CDH1: variants seen among roughly 807,000 people sequenced by gnomAD.
The protein encoded by CDH1 is cadherin 1.
CDH1 carries 35 observed loss-of-function variants against 84.5 expected under a neutral mutation model. The ratio of observed to expected loss-of-function variants is 0.41; its 90% CI spans 0.32 to 0.55. The LOEUF (loss-of-function observed/expected upper bound fraction) is 0.55. CDH1 is among the 20% of genes least tolerant of loss of function. The pLI, the probability that CDH1 is intolerant of heterozygous loss-of-function variation, is 0.19. For missense variants in CDH1, 994 were observed against 1,126.6 expected (o/e 0.88, Z 1.68); for synonymous variants, 417 against 439.0 (o/e 0.95, Z 0.63).
rs766505270 is a variant in CDH1 at position 68,813,345 on chromosome 16, C to T, written c.1170C>T (p.Asn390=). The change falls in exon 9 of 16, where the codon AAC becomes AAT. Residue 390 remains asparagine (N), a synonymous_variant. Coordinates refer to ENST00000261769, the MANE Select transcript of CDH1 (RefSeq NM_004360.5). ...GTCAGGTGCCTGAGAACGAGGCTAA[C>T]GTCGTAATCACCACACTGAAAGTGA... The part of the protein sequence containing the change: ...YKGQVPENEA[N]VVITTLKVTD... The T allele has an allele frequency of 1.5e-5, 25 of 1,614,164 alleles. No homozygotes were observed. In the East Asian group the frequency reaches 2.0e-4, roughly 13 times the overall value.
At chr16:68,793,662 C>T (rs1183739042) in intron 2 of CDH1, among the ~76,000 whole-genome samples, 1 of 152,176 alleles carries the variant, frequency 6.6e-6, no homozygotes, top group Non-Finnish European at 1.5e-5. Flanking sequence ...GAGGCCAAGG[C>T]GGATGGATCA....
chr16:68,784,059 C>T (rs577046607), intron 2 of CDH1, among the ~76,000 whole-genome samples: 1 of 152,274 alleles, frequency 6.6e-6, no homozygotes, highest in East Asian at 1.9e-4. Flanking sequence ...AATGATGTGT[C>T]TATCTTTTGC....
chr16:68,800,273 G>C (rs1960464435), intron 2 of CDH1, among the ~76,000 whole-genome samples: 1 of 152,008 alleles, frequency 6.6e-6, no homozygotes, highest in Non-Finnish European at 1.5e-5. Flanking sequence ...TTAAAGGGCT[G>C]TCTCAGCTCT....
chr16:68,789,593 T>G (rs1222874736), intron 2 of CDH1, among the ~76,000 whole-genome samples: 4 of 151,964 alleles, frequency 2.6e-5, no homozygotes, highest in Non-Finnish European at 4.4e-5. Context: ...AAGTGTAGAA[T>G]TTAACAGTTT....
chr16:68,765,015 A>G (rs1009327073), intron 2 of CDH1: 6 of 152,138 alleles, frequency 3.9e-5, no homozygotes, highest in Non-Finnish European at 5.9e-5. Flanking sequence ...CCAGCCCAAT[A>G]TTAAAATGCA....
intron 2 of CDH1, among the ~76,000 whole-genome samples, chr16:68,787,974 T>C (rs193116699): frequency 3.6e-4 from 55 of 151,652 alleles, no homozygotes; most frequent in Non-Finnish European, 5.9e-4. Context: ...TATAGGCATG[T>C]GCCACCACGC....
intron 2 of CDH1, chr16:68,771,070 C>T (rs1168125354): frequency 6.6e-6 from 1 of 152,056 alleles, no homozygotes; most frequent in Non-Finnish European, 1.5e-5. Flanking sequence ...AGAGCTGATT[C>T]TCATTTCTTC....
At chr16:68,761,997 C>G (rs1388973324) in intron 2 of CDH1, among the ~76,000 whole-genome samples, 1 of 152,202 alleles carries the variant, frequency 6.6e-6, no homozygotes, top group African/African-American at 2.4e-5. Context: ...CCTCCCCTCT[C>G]CATTCTGGGC....
intron 12 of CDH1, chr16:68,823,155 C>G: frequency 2.0e-6 from 1 of 503,800 alleles, no homozygotes; most frequent in Middle Eastern, 5.6e-4. Context: ...GCCTCTCCCT[C>G]CAGCCACTAG....
intron 2 of CDH1, among the ~76,000 whole-genome samples, chr16:68,792,667 C>A (rs1001414121): frequency 2.6e-5 from 4 of 152,226 alleles, no homozygotes; most frequent in Non-Finnish European, 2.9e-5. Flanking sequence ...CAAAAAGACA[C>A]CCTTTGCCAG....
chr16:68,804,680 A>G (rs1237730274), intron 3 of CDH1, among the ~76,000 whole-genome samples: 1 of 152,116 alleles, frequency 6.6e-6, no homozygotes, highest in Non-Finnish European at 1.5e-5. Context: ...CTGGTTTGAG[A>G]TTCACCTTGG....
intron 2 of CDH1, among the ~76,000 whole-genome samples, chr16:68,748,920 A>T (rs1309579173): frequency 6.6e-6 from 1 of 152,136 alleles, no homozygotes; most frequent in Non-Finnish European, 1.5e-5. Context: ...GCTCACTGCA[A>T]CCTCTGCCTC....
intron 15 of CDH1, among the ~76,000 whole-genome samples, chr16:68,832,351 C>T (rs1311219654): frequency 6.6e-6 from 1 of 151,678 alleles, no homozygotes; most frequent in Non-Finnish European, 1.5e-5. Context: ...GGGTACACAC[C>T]TGTAATCCCA....
At position 68,750,462 on chromosome 16, in the gene CDH1, TG is replaced by T. The variant is rs1011932930; in HGVS notation, c.163+12055del. Among the ~76,000 whole-genome samples the T allele has an allele frequency of 6.8e-4, 104 of 152,178 alleles. 2 individuals carry two copies. Among genetic ancestry groups the T allele is most frequent in the African/African-American group, 2.4e-3 (99 of 41,546 alleles). On this transcript the variant is annotated intron_variant, in intron 2 of 15. Coordinates refer to ENST00000261769, the MANE Select transcript of CDH1 (RefSeq NM_004360.5). ...AGGGAAAGTTACTACTGGGACCTAA[TG>T]GGGCCTGCCTAGAAGGGTTGAACCT...
At chr16:68,765,729 A>C (rs557755480) in intron 2 of CDH1, among the ~76,000 whole-genome samples, 44 of 147,956 alleles carry the variant, frequency 3.0e-4, no homozygotes, top group Admixed American at 2.3e-3. Flanking sequence ...ACATGTCATG[A>C]TTTTCAGATA....
chr16:68,781,326 C>T (rs1184931485), intron 2 of CDH1, among the ~76,000 whole-genome samples: 1 of 152,160 alleles, frequency 6.6e-6, no homozygotes, highest in Non-Finnish European at 1.5e-5. Context: ...TTTAACCCCT[C>T]AGTATGTCTT....
intron 2 of CDH1, among the ~76,000 whole-genome samples, chr16:68,801,213 G>A (rs1960490198): frequency 6.6e-6 from 1 of 152,180 alleles, no homozygotes; most frequent in Non-Finnish European, 1.5e-5. Flanking sequence ...ACAGGTTCAA[G>A]AGATTCTCCT....
chr16:68,738,497 G>T, intron 2 of CDH1, 86 bp downstream of exon 2: 3 of 868,220 alleles, frequency 3.5e-6, no homozygotes, highest in Non-Finnish European at 5.3e-6. Flanking sequence ...CCCCTGGGTT[G>T]CAATGGGCAA....
intron 2 of CDH1, 44 bp downstream of exon 2, chr16:68,738,455 T>C (rs1349882637): frequency 2.2e-6 from 3 of 1,394,678 alleles, no homozygotes; most frequent in African/African-American, 2.9e-5. Flanking sequence ...TAGGGAGGGG[T>C]TGGAAAGGGG....
Sources: allele counts gnomAD v4.1 joint callset (sites outside exome capture counted in the v4.1 genomes callset), GRCh38; gene constraint gnomAD v4.1.1; transcripts MANE v1.5; gene names NCBI Gene and HGNC (gene_info 2026-07-23, HGNC 2026-07-21).